TSHZ2: variants seen among roughly 807,000 people sequenced by gnomAD.
TSHZ2 encodes teashirt zinc finger homeobox 2.
Under a neutral mutation model 74.4 loss-of-function variants are expected in TSHZ2, and 21 were observed. The ratio of observed to expected loss-of-function variants is 0.28; its 90% CI spans 0.20 to 0.41. TSHZ2 has a LOEUF of 0.41. TSHZ2 is among the 10% of genes least tolerant of loss of function. The probability of loss-of-function intolerance (pLI) is 1.00; values close to 1 mark genes in which losing one functional copy is unlikely to be tolerated. For synonymous variants in TSHZ2, 540 were observed against 515.3 expected, an observed-to-expected ratio of 1.05 and a Z score of -0.65; for missense variants, 1,244 against 1,293.5, an observed-to-expected ratio of 0.96 and a Z score of 0.59.
intron 2 of TSHZ2, among the ~76,000 whole-genome samples, chr20:53,274,137 G>A (rs1429138449): frequency 6.6e-6 from 1 of 152,166 alleles, no homozygotes; most frequent in Non-Finnish European, 1.5e-5. Context: ...GGGTGTGGTG[G>A]CGCGTGCCTG....
chr20:53,274,778 G>A (rs914715618), intron 2 of TSHZ2, among the ~76,000 whole-genome samples: 2 of 152,124 alleles, frequency 1.3e-5, no homozygotes, highest in South Asian at 2.1e-4. Context: ...CCTCGCTAGC[G>A]CTCTTTCTCT....
chr20:53,270,091 G>A (rs1463663540), intron 2 of TSHZ2, among the ~76,000 whole-genome samples: 1 of 152,142 alleles, frequency 6.6e-6, no homozygotes, highest in Non-Finnish European at 1.5e-5. Flanking sequence ...CCTGTAGAGG[G>A]TATGGTGGAG....
At chr20:53,264,306 ACACAGCAGTAG>A (rs1990663182) in intron 2 of TSHZ2, among the ~76,000 whole-genome samples, 1 of 152,214 alleles carries the variant, frequency 6.6e-6, no homozygotes, top group Non-Finnish European at 1.5e-5. Flanking sequence ...AGCAGGTAGC[ACACAGCAGTAG>A]CACAGCAGCA....
chr20:53,160,703 C>T (rs1987908704), intron 1 of TSHZ2, among the ~76,000 whole-genome samples: 1 of 147,070 alleles, frequency 6.8e-6, no homozygotes, highest in South Asian at 2.1e-4. Flanking sequence ...TGAGATTGTG[C>T]CACTGCACTG....
chr20:53,362,113 C>G (rs545416746), intron 2 of TSHZ2, among the ~76,000 whole-genome samples: 5 of 152,086 alleles, frequency 3.3e-5, no homozygotes, highest in Non-Finnish European at 5.9e-5. Context: ...ATCCACCACC[C>G]GCCTGGGCCT....
intron 1 of TSHZ2, among the ~76,000 whole-genome samples, chr20:53,219,799 T>C (rs934973672): frequency 5.9e-5 from 9 of 152,244 alleles, no homozygotes; most frequent in Non-Finnish European, 1.3e-4. Flanking sequence ...TGGTGACACC[T>C]TTTGATTTCC....
intron 2 of TSHZ2, among the ~76,000 whole-genome samples, chr20:53,324,481 A>G (rs1303378103): frequency 6.6e-6 from 1 of 152,146 alleles, no homozygotes; most frequent in African/African-American, 2.4e-5. Context: ...GGGCTCAAGC[A>G]ATCCTCCCAA....
intron 2 of TSHZ2, among the ~76,000 whole-genome samples, chr20:53,459,205 G>T (rs1227857297): frequency 1.3e-5 from 2 of 152,214 alleles, no homozygotes; most frequent in East Asian, 3.9e-4. Flanking sequence ...TCTCTTTGTA[G>T]GTCACTCAGG....
intron 2 of TSHZ2, among the ~76,000 whole-genome samples, chr20:53,338,404 AG>A (rs920591796): frequency 4.6e-5 from 7 of 152,202 alleles, no homozygotes; most frequent in African/African-American, 9.7e-5. Context: ...CCTCCCTACT[AG>A]AAAAAGTAAC....
Position 53,459,215 on chromosome 20 carries a change from G to A in TSHZ2, c.*9-27929G>A, listed in dbSNP as rs1217565966. On this transcript the variant is annotated intron_variant, in intron 2 of 2. Transcript: ENST00000371497. ...CTAAGTCTCTTTGTAGGTCACTCAG[G>A]ACATGCTTTATGAATCTGGGTGCTC... is the stretch of plus-strand genomic sequence containing the variant. Among the ~76,000 whole-genome samples the A allele has an allele frequency of 5.3e-5, 8 of 152,282 alleles. No homozygotes were observed. In the East Asian group the frequency reaches 5.8e-4, roughly 11 times the overall value.
At chr20:53,182,531 T>G (rs1458654176) in intron 1 of TSHZ2, among the ~76,000 whole-genome samples, 2 of 152,268 alleles carry the variant, frequency 1.3e-5, no homozygotes, top group Admixed American at 1.3e-4. Context: ...TACAAATGAT[T>G]GACTAAATGA....
At chr20:53,155,051 C>CT (rs1209714876) in intron 1 of TSHZ2, among the ~76,000 whole-genome samples, 2 of 132,260 alleles carry the variant, frequency 1.5e-5, no homozygotes, top group Non-Finnish European at 3.1e-5. Context: ...TTTGAATATG[C>CT]ATTTTTTTTT....
chr20:53,282,175 C>T (rs1991073574), intron 2 of TSHZ2, among the ~76,000 whole-genome samples: 1 of 152,162 alleles, frequency 6.6e-6, no homozygotes, highest in African/African-American at 2.4e-5. Flanking sequence ...TAAAGGTAGA[C>T]TCTCCACCTA....
chr20:53,408,147 T>C (rs1421437856), intron 2 of TSHZ2, among the ~76,000 whole-genome samples: 1 of 152,172 alleles, frequency 6.6e-6, no homozygotes, highest in Admixed American at 6.5e-5. Flanking sequence ...GGACTCCCCC[T>C]GAATCCGCCA....
chr20:53,228,722 C>A (rs1335672591), intron 1 of TSHZ2, among the ~76,000 whole-genome samples: 1 of 137,994 alleles, frequency 7.2e-6, no homozygotes, highest in Non-Finnish European at 1.6e-5. Flanking sequence ...CACCACCTCC[C>A]GAGTTGAGAC....
chr20:53,038,621 T>C (rs1176133870), intron 1 of TSHZ2, among the ~76,000 whole-genome samples: 1 of 152,196 alleles, frequency 6.6e-6, no homozygotes, highest in Non-Finnish European at 1.5e-5. Context: ...TGTCTACTTC[T>C]TTAACTTTGT....
intron 1 of TSHZ2, among the ~76,000 whole-genome samples, chr20:53,050,092 T>A (rs750121179): frequency 3.5e-5 from 3 of 85,628 alleles, no homozygotes; most frequent in African/African-American, 6.5e-5. Context: ...AAAAAAAAAA[T>A]GTATATGTGT....
At chr20:53,030,983 C>T (rs772133388) in intron 1 of TSHZ2, among the ~76,000 whole-genome samples, 1 of 152,090 alleles carries the variant, frequency 6.6e-6, no homozygotes, top group African/African-American at 2.4e-5. Flanking sequence ...ATTAACTTCG[C>T]CTTATTGCTG....
Position 53,463,449 on chromosome 20 carries a change from A to G in TSHZ2, c.*9-23695A>G, listed in dbSNP as rs759255784. 2.6e-3 allele frequency among the ~76,000 whole-genome samples: 338 copies of G among 129,660 alleles called. 3 individuals are homozygous for G. Among genetic ancestry groups the G allele is most frequent in the Non-Finnish European group, 3.4e-3 (207 of 60,056 alleles). The allele number at this position is 129,660 out of a possible 152,430, so 85.1% of individuals were successfully genotyped here. ...AAGGAAGGAAGGAGGGAGGGAGGGAAGGAAGGAAGGAAGGTTGGCTTAGGG... is the reference window on the plus strand; with the variant it reads ...AAGGAAGGAAGGAGGGAGGGAGGGAGGGAAGGAAGGAAGGTTGGCTTAGGG... On this transcript the variant is annotated intron_variant, in intron 2 of 2. Transcript: ENST00000371497.
Sources: gnomAD v4.1 joint callset for allele counts (sites outside exome capture counted in the v4.1 genomes callset) on GRCh38, gnomAD v4.1.1 for gene constraint, MANE v1.5 for transcripts, NCBI Gene and HGNC (gene_info 2026-07-23, HGNC 2026-07-21) for gene names.